CADM1: variants seen among roughly 807,000 people sequenced by gnomAD.
CADM1 encodes the protein TSLC-1.
CADM1 carries 15 observed loss-of-function variants against 53.1 expected under a neutral mutation model. The ratio of observed to expected loss-of-function variants is 0.28; its 90% CI spans 0.19 to 0.44. The LOEUF (loss-of-function observed/expected upper bound fraction) is 0.44, where lower values mean the gene tolerates loss of function less well. Ranked by LOEUF, CADM1 falls within the 20% of genes least tolerant of loss-of-function variation. CADM1 has a pLI of 1.00. For synonymous variants in CADM1, 281 were observed against 243.0 expected, an observed-to-expected ratio of 1.16 and a Z score of -1.45; for missense variants, 434 against 611.3, an observed-to-expected ratio of 0.71 and a Z score of 3.06.
chr11:115,379,148 T>G (rs1245837836), intron 1 of CADM1, among the ~76,000 whole-genome samples: 6 of 152,242 alleles, frequency 3.9e-5, no homozygotes, highest in African/African-American at 1.4e-4. Context: ...AATTAAAGAA[T>G]GGCTGCACAA....
chr11:115,359,119 A>G (rs1945960414), intron 1 of CADM1, among the ~76,000 whole-genome samples: 1 of 152,152 alleles, frequency 6.6e-6, no homozygotes, highest in African/African-American at 2.4e-5. Context: ...GTGGCTTTTC[A>G]TAAGATGGTA....
At chr11:115,339,957 T>A (rs181671129) in intron 1 of CADM1, 1 of 152,302 alleles carries the variant, frequency 6.6e-6, no homozygotes, top group Admixed American at 6.5e-5. Flanking sequence ...TCTAAGTTAT[T>A]CTTTTGTTTC....
intron 1 of CADM1, among the ~76,000 whole-genome samples, chr11:115,370,253 C>A (rs995242406): frequency 6.6e-6 from 1 of 152,120 alleles, no homozygotes; most frequent in South Asian, 2.1e-4. Flanking sequence ...ATGTATGGCT[C>A]TGGTCCTTAA....
intron 1 of CADM1, among the ~76,000 whole-genome samples, chr11:115,494,944 C>G (rs1949577420): frequency 6.6e-6 from 1 of 152,086 alleles, no homozygotes; most frequent in African/African-American, 2.4e-5. Flanking sequence ...AGATTTGCTT[C>G]AGGAAAGGGA....
At chr11:115,298,868 C>T (rs1399835896) in intron 1 of CADM1, among the ~76,000 whole-genome samples, 1 of 152,166 alleles carries the variant, frequency 6.6e-6, no homozygotes, top group African/African-American at 2.4e-5. Context: ...TCTGCACTAG[C>T]TTTCCGTGAG....
chr11:115,489,297 G>A (rs1267208734), intron 1 of CADM1, among the ~76,000 whole-genome samples: 1 of 152,110 alleles, frequency 6.6e-6, no homozygotes, highest in Non-Finnish European at 1.5e-5. Context: ...CATTCATTAT[G>A]GGAGAACAAA....
At chr11:115,417,323 A>G (rs1947625481) in intron 1 of CADM1, among the ~76,000 whole-genome samples, 1 of 152,206 alleles carries the variant, frequency 6.6e-6, no homozygotes, top group South Asian at 2.1e-4. Flanking sequence ...GAATCTTTAC[A>G]AACTAATTCA....
chr11:115,178,932 C>T (rs2134585870), intron 10 of CADM1, 157 bp from the exon 11 acceptor site: 1 of 782,888 alleles, frequency 1.3e-6, no homozygotes, highest in Middle Eastern at 3.4e-4. Flanking sequence ...AGGTAACAGG[C>T]TGACCTGTCC....
Position 115,492,009 on chromosome 11 carries a change from T to C in CADM1, c.124+12262A>G, listed in dbSNP as rs141778605. Among the ~76,000 whole-genome samples the C allele has an allele frequency of 2.4e-3, 373 of 152,318 alleles. 3 individuals carry two copies. Among genetic ancestry groups the C allele is most frequent in the African/African-American group, 8.5e-3 (354 of 41,564 alleles). On this transcript the variant is annotated intron_variant, in intron 1 of 11. Transcript: ENST00000331581. ...ATACCTAATGTAAATGACGAGTTAA[T>C]GGATGCAGCAAACCAATATGGCACA...
chr11:115,318,524 C>T (rs1037905441), intron 1 of CADM1, among the ~76,000 whole-genome samples: 4 of 152,092 alleles, frequency 2.6e-5, no homozygotes, highest in African/African-American at 7.2e-5. Flanking sequence ...GATCTGGAGA[C>T]TAGGGAGATG....
At chr11:115,247,388 G>A (rs1942441807) in intron 1 of CADM1, among the ~76,000 whole-genome samples, 1 of 152,042 alleles carries the variant, frequency 6.6e-6, no homozygotes, top group South Asian at 2.1e-4. Flanking sequence ...AATTCCTTTT[G>A]TTTTCTTGGC....
chr11:115,433,751 G>A (rs1948113760), intron 1 of CADM1, among the ~76,000 whole-genome samples: 1 of 152,166 alleles, frequency 6.6e-6, no homozygotes, highest in Non-Finnish European at 1.5e-5. Flanking sequence ...TAAAGTGGAA[G>A]AGCTGAGGAA....
intron 1 of CADM1, among the ~76,000 whole-genome samples, chr11:115,252,760 A>G (rs917604119): frequency 9.8e-5 from 15 of 152,314 alleles, no homozygotes; most frequent in African/African-American, 3.6e-4. Flanking sequence ...AAAAAAATCA[A>G]TATTTCAGAT....
chr11:115,395,930 C>T (rs1238340942), intron 1 of CADM1, among the ~76,000 whole-genome samples: 1 of 152,160 alleles, frequency 6.6e-6, no homozygotes, highest in Non-Finnish European at 1.5e-5. Context: ...ATTTAAGGTA[C>T]ATGCATTCCA....
chr11:115,190,916 T>G lies in CADM1; in HGVS notation c.1137A>C (p.Ala379=), dbSNP rs1380560452. 1.3e-6 allele frequency: 2 copies of G among 1,595,126 alleles called. No individual in the cohort carries two copies. Among genetic ancestry groups the G allele is most frequent in the Non-Finnish European group, 8.5e-7 (1 of 1,178,502 alleles). Residue 379 remains alanine (A), a synonymous_variant, in exon 10 of 12, where the codon GCA becomes GCC. Transcript: ENST00000331581. ...VHGLTQLPNS[A]EELDSEDLSD... ...AGAGGTCCTCACTGTCCAGTTCTTCTGCGGAATTGGGCAACTGAGTAAGGC... is the reference window on the plus strand; with the variant it reads ...AGAGGTCCTCACTGTCCAGTTCTTCGGCGGAATTGGGCAACTGAGTAAGGC...
intron 8 of CADM1, among the ~76,000 whole-genome samples, chr11:115,204,983 G>A (rs1940608759): frequency 6.6e-6 from 1 of 152,064 alleles, no homozygotes; most frequent in African/African-American, 2.4e-5. Context: ...TTTAAAAGGT[G>A]GAAAACTCAT....
At chr11:115,501,636 A>G (rs1949728729) in intron 1 of CADM1, among the ~76,000 whole-genome samples, 1 of 152,110 alleles carries the variant, frequency 6.6e-6, no homozygotes. Context: ...TCTGCGGGGG[A>G]TGGATGGCTT....
intron 1 of CADM1, among the ~76,000 whole-genome samples, chr11:115,285,101 T>C (rs1040973697): frequency 4.6e-5 from 7 of 152,198 alleles, no homozygotes; most frequent in Non-Finnish European, 1.0e-4. Flanking sequence ...ATGAACCAAA[T>C]GTTGATCAGT....
chr11:115,441,034 C>G (rs1424427129), intron 1 of CADM1, among the ~76,000 whole-genome samples: 1 of 151,858 alleles, frequency 6.6e-6, no homozygotes, highest in Non-Finnish European at 1.5e-5. Flanking sequence ...ACCACCTCTT[C>G]TTCAAGTACA....
Sources: allele counts gnomAD v4.1 joint callset (sites outside exome capture counted in the v4.1 genomes callset), GRCh38; gene constraint gnomAD v4.1.1; transcripts MANE v1.5; gene names NCBI Gene and HGNC (gene_info 2026-07-23, HGNC 2026-07-21).